Variants in PDGFD observed in about 807,000 individuals in gnomAD.
The protein encoded by PDGFD is platelet-derived growth factor D.
Under a neutral mutation model 44.7 loss-of-function variants are expected in PDGFD, and 30 were observed. That is an observed-to-expected ratio of 0.67 (90% CI 0.50 to 0.91). PDGFD has a LOEUF of 0.91. Ranked by LOEUF, PDGFD falls within the 40% of genes least tolerant of loss-of-function variation. The pLI is 0.00. For synonymous variants in PDGFD, 173 were observed against 168.4 expected, an observed-to-expected ratio of 1.03 and a Z score of -0.21; for missense variants, 445 against 457.8, an observed-to-expected ratio of 0.97 and a Z score of 0.25.
chr11:104,088,167 T>C (rs1326265207), intron 1 of PDGFD, among the ~76,000 whole-genome samples: 1 of 152,232 alleles, frequency 6.6e-6, no homozygotes. Context: ...ATGTCTGGTT[T>C]CTCTCTGTGC....
intron 1 of PDGFD, among the ~76,000 whole-genome samples, chr11:104,147,519 G>A (rs890096279): frequency 1.3e-5 from 2 of 152,118 alleles, no homozygotes; most frequent in Non-Finnish European, 2.9e-5. Flanking sequence ...AAGTAAGAAT[G>A]ATTTATATTG....
intron 1 of PDGFD, among the ~76,000 whole-genome samples, chr11:104,091,949 A>G (rs367714664): frequency 6.6e-6 from 1 of 152,182 alleles, no homozygotes; most frequent in East Asian, 1.9e-4. Context: ...ACCCCCAGCA[A>G]ATGTTAAACA....
chr11:103,987,340 A>G (rs1859382435), intron 3 of PDGFD, among the ~76,000 whole-genome samples: 1 of 152,048 alleles, frequency 6.6e-6, no homozygotes. Flanking sequence ...AATCACCGGG[A>G]AAGGTCTAGG....
Position 103,964,660 on chromosome 11 carries a change from C to T in PDGFD, c.511-16936G>A, listed in dbSNP as rs1054787857. Among the ~76,000 whole-genome samples the T allele has an allele frequency of 5.3e-5, 8 of 152,122 alleles. No individual in the cohort carries two copies. The East Asian group carries it at 1.6e-3, about 29-fold the overall frequency. ...TATCCAACCCTAATAAAAGGAAAAC[C>T]ACTTTGGTTCCAGAGACAATGGATC... is the stretch of plus-strand genomic sequence containing the variant. On this transcript the variant is annotated intron_variant, in intron 3 of 6. Transcript: ENST00000393158.
intron 1 of PDGFD, among the ~76,000 whole-genome samples, chr11:104,159,619 G>C (rs1184494013): frequency 6.6e-6 from 1 of 152,114 alleles, no homozygotes; most frequent in African/African-American, 2.4e-5. Flanking sequence ...GTGACATCAA[G>C]CTTATGCTTA....
chr11:104,046,903 C>G (rs1386917792), intron 1 of PDGFD, among the ~76,000 whole-genome samples: 1 of 146,116 alleles, frequency 6.8e-6, no homozygotes. Context: ...CCCTCCACCC[C>G]CGACAGGCTC....
chr11:104,046,181 G>A (rs1860440319), intron 1 of PDGFD, among the ~76,000 whole-genome samples: 1 of 147,714 alleles, frequency 6.8e-6, no homozygotes, highest in African/African-American at 2.5e-5. Context: ...AGGGAAAGGA[G>A]CACAAAGAAG....
chr11:104,042,627 G>A (rs1198120784), intron 1 of PDGFD, among the ~76,000 whole-genome samples: 1 of 152,148 alleles, frequency 6.6e-6, no homozygotes. Context: ...GTCCCTAGGA[G>A]GCAATGTGGG....
intron 1 of PDGFD, among the ~76,000 whole-genome samples, chr11:104,148,129 GT>G (rs1255295193): frequency 6.6e-6 from 1 of 152,028 alleles, no homozygotes; most frequent in Non-Finnish European, 1.5e-5. Flanking sequence ...ATGACTATAA[GT>G]TTTTTTAACA....
chr11:103,971,284 T>A (rs559143325), intron 3 of PDGFD, among the ~76,000 whole-genome samples: 2 of 152,288 alleles, frequency 1.3e-5, no homozygotes, highest in African/African-American at 4.8e-5. Flanking sequence ...CAGTTAGTAT[T>A]TTAATGCATT....
intron 1 of PDGFD, among the ~76,000 whole-genome samples, chr11:104,101,465 A>G (rs1861378828): frequency 6.6e-6 from 1 of 151,534 alleles, no homozygotes. Context: ...ATATGAACAA[A>G]TGGAAGAATC....
chr11:104,030,442 T>C (rs1456269156), intron 1 of PDGFD, among the ~76,000 whole-genome samples: 2 of 152,278 alleles, frequency 1.3e-5, no homozygotes, highest in South Asian at 2.1e-4. Context: ...TGAAGGTGAA[T>C]TGAGAAGAAG....
At chr11:103,931,338 AT>A (rs1858395918) in intron 5 of PDGFD, among the ~76,000 whole-genome samples, 1 of 152,188 alleles carries the variant, frequency 6.6e-6, no homozygotes, top group African/African-American at 2.4e-5. Flanking sequence ...CACTTTGAAC[AT>A]GGGAAAGCAC....
chr11:103,952,732 T>C (rs772331247), intron 3 of PDGFD, among the ~76,000 whole-genome samples: 2 of 152,212 alleles, frequency 1.3e-5, no homozygotes, highest in Non-Finnish European at 2.9e-5. Context: ...TATAAACATC[T>C]CAATCTGCAT....
At chr11:104,024,796 C>A (rs1860017593) in intron 1 of PDGFD, among the ~76,000 whole-genome samples, 1 of 152,136 alleles carries the variant, frequency 6.6e-6, no homozygotes, top group Admixed American at 6.6e-5. Context: ...AGGTCTCTGT[C>A]AAAAATGTGC....
chr11:103,939,058 G>T (rs1052778949), intron 5 of PDGFD, among the ~76,000 whole-genome samples: 10 of 152,178 alleles, frequency 6.6e-5, no homozygotes, highest in Non-Finnish European at 1.3e-4. Flanking sequence ...GGTTCCACAT[G>T]AACTTTAAAG....
chr11:104,107,894 T>C (rs900358660), intron 1 of PDGFD, among the ~76,000 whole-genome samples: 3 of 152,170 alleles, frequency 2.0e-5, no homozygotes, highest in African/African-American at 7.2e-5. Context: ...GTCATTGCTA[T>C]TGCTAACATA....
rs1415904429 is a variant in PDGFD, at chr11:104,066,890, G to T, written c.125-66635C>A. On this transcript the variant is annotated intron_variant, in intron 1 of 6. Coordinates refer to ENST00000393158, the MANE Select transcript of PDGFD (RefSeq NM_025208.5). ...GTACTTATACAACCAAATTCTAGGA[G>T]AATTTGCTTTGTACATCTCCAAATA... Among the ~76,000 whole-genome samples the T allele has an allele frequency of 3.9e-5, 6 of 152,032 alleles. No homozygotes were observed. In the South Asian group the frequency reaches 6.2e-4, roughly 16 times the overall value.
At chr11:103,939,333 C>A (rs1038265907) in intron 5 of PDGFD, among the ~76,000 whole-genome samples, 3 of 152,112 alleles carry the variant, frequency 2.0e-5, no homozygotes, top group Non-Finnish European at 4.4e-5. Context: ...AATGGGAGTT[C>A]ACTCGTGATT....
Sources: allele counts gnomAD v4.1 joint callset (sites outside exome capture counted in the v4.1 genomes callset), GRCh38; gene constraint gnomAD v4.1.1; transcripts MANE v1.5; gene names NCBI Gene and HGNC (gene_info 2026-07-23, HGNC 2026-07-21).